Variants in LRRC4C observed in about 807,000 individuals in gnomAD.
LRRC4C encodes leucine-rich repeat-containing protein 4C.
LRRC4C carries 5 observed loss-of-function variants against 33.6 expected under a neutral mutation model. The observed-to-expected ratio is 0.15, with a 90% CI of 0.08 to 0.31. LRRC4C has a LOEUF of 0.31. Ranked by LOEUF, LRRC4C falls within the 10% of genes least tolerant of loss-of-function variation. LRRC4C has a pLI of 1.00. For synonymous variants in LRRC4C, 329 were observed against 302.0 expected (o/e 1.09, Z -0.93); for missense variants, 560 against 796.7 (o/e 0.70, Z 3.58).
At chr11:41,298,089 A>G (rs1179033326) in intron 1 of LRRC4C, among the ~76,000 whole-genome samples, 1 of 152,206 alleles carries the variant, frequency 6.6e-6, no homozygotes, top group Non-Finnish European at 1.5e-5. Context: ...ATGTGGTACT[A>G]GTTATTATTG....
intron 2 of LRRC4C, among the ~76,000 whole-genome samples, chr11:40,742,214 C>T (rs1033584697): frequency 2.2e-4 from 34 of 151,840 alleles, no homozygotes; most frequent in African/African-American, 8.0e-4. Flanking sequence ...GTCTTTGAGG[C>T]ATCATTGAGA....
At position 41,227,469 on chromosome 11, in the gene LRRC4C, A is replaced by G. The variant is rs1947592419; in HGVS notation, c.-496+231962T>C. ...CAAACGGTTGCAACCAACAAAACAC[A>G]CCTGCTCAAAGATTTAACAAATATT... On this transcript the variant is annotated intron_variant, in intron 1 of 6. Coordinates refer to ENST00000528697, the MANE Select transcript of LRRC4C (RefSeq NM_001258419.2). Among the ~76,000 whole-genome samples the G allele has an allele frequency of 3.3e-5, 5 of 152,118 alleles. No individual in the cohort carries two copies. In the South Asian group the frequency reaches 1.0e-3, roughly 32 times the overall value.
rs1009314237 is a variant in LRRC4C at position 41,374,571 on chromosome 11, G to A, written c.-496+84860C>T. Among the ~76,000 whole-genome samples the A allele has an allele frequency of 2.6e-5, 4 of 152,060 alleles. No individual in the cohort carries two copies. The East Asian group carries it at 5.8e-4, about 22-fold the overall frequency. ...TGTTATTAATAAAACAAAAAAGACG[G>A]ACTATTTTAGATTAATAAAATCAGG... On this transcript the variant is annotated intron_variant, in intron 1 of 6. Transcript: ENST00000528697.
chr11:41,173,181 A>G (rs968969469), intron 1 of LRRC4C, among the ~76,000 whole-genome samples: 5 of 152,128 alleles, frequency 3.3e-5, no homozygotes, highest in African/African-American at 1.2e-4. Flanking sequence ...TCCTTATATG[A>G]GATGTGTTGT....
intron 1 of LRRC4C, among the ~76,000 whole-genome samples, chr11:41,033,361 G>T (rs1856836013): frequency 6.6e-6 from 1 of 151,962 alleles, no homozygotes; most frequent in Admixed American, 6.6e-5. Context: ...CAATATAAAA[G>T]AAACGGGTCA....
chr11:40,762,345 A>T (rs1949256386), intron 2 of LRRC4C, among the ~76,000 whole-genome samples: 1 of 152,142 alleles, frequency 6.6e-6, no homozygotes, highest in Admixed American at 6.6e-5. Context: ...TATTTCCATT[A>T]AGGTTTCAGA....
rs77452452 is a variant in LRRC4C at position 40,240,327 on chromosome 11, A to C, written c.-96+1192T>G. Among the ~76,000 whole-genome samples, 686 of 152,304 alleles carry C rather than the reference A, an allele frequency of 4.5e-3. 7 individuals carry two copies. The highest frequency in any genetic ancestry group is 0.015 in the African/African-American group (640 of 41,570). ...AATATCATCATGTATAACTTGTTAC[A>C]TGTCACTTATGTAAATAAATATCTG... On this transcript the variant is annotated intron_variant, in intron 5 of 6. Coordinates refer to ENST00000528697, the MANE Select transcript of LRRC4C (RefSeq NM_001258419.2).
chr11:40,547,414 G>A (rs960822133), intron 3 of LRRC4C, among the ~76,000 whole-genome samples: 3 of 151,994 alleles, frequency 2.0e-5, no homozygotes, highest in Admixed American at 6.6e-5. Flanking sequence ...AGCATGGTAC[G>A]CAAGGGTTAC....
intron 3 of LRRC4C, among the ~76,000 whole-genome samples, chr11:40,454,610 T>A (rs1464884009): frequency 1.3e-5 from 2 of 152,202 alleles, no homozygotes; most frequent in East Asian, 1.9e-4. Flanking sequence ...TGACAGTGTA[T>A]GAATTTTTTT....
intron 3 of LRRC4C, among the ~76,000 whole-genome samples, chr11:40,381,954 G>GTTTTTT (rs34415574): frequency 2.1e-4 from 18 of 85,906 alleles, no homozygotes; most frequent in East Asian, 3.6e-4. Flanking sequence ...ATCAGTCAGC[G>GTTTTTT]TTTTTTTTTT....
intron 1 of LRRC4C, among the ~76,000 whole-genome samples, chr11:41,262,049 C>A (rs1948998592): frequency 1.3e-5 from 2 of 151,904 alleles, no homozygotes; most frequent in Admixed American, 1.3e-4. Flanking sequence ...GGATTCTATT[C>A]TAAAATAAGT....
At chr11:40,367,480 T>C (rs1948261027) in intron 3 of LRRC4C, among the ~76,000 whole-genome samples, 1 of 152,068 alleles carries the variant, frequency 6.6e-6, no homozygotes, top group Admixed American at 6.6e-5. Flanking sequence ...TGTCATCACT[T>C]TTTTCTGTCT....
intron 3 of LRRC4C, among the ~76,000 whole-genome samples, chr11:40,495,855 A>G (rs1422921826): frequency 1.8e-5 from 1 of 55,634 alleles, no homozygotes; most frequent in African/African-American, 6.8e-5. Context: ...TTTTTGAGAG[A>G]GTCTCGCATT....
At chr11:41,021,598 T>C (rs1168268352) in intron 1 of LRRC4C, among the ~76,000 whole-genome samples, 5 of 152,220 alleles carry the variant, frequency 3.3e-5, no homozygotes, top group Middle Eastern at 3.4e-3. Flanking sequence ...ATTTTAGATA[T>C]TCTATCTCAA....
rs1947963672 is a variant in LRRC4C, at chr11:40,361,784, A to G, written c.-269-42063T>C. Among the ~76,000 whole-genome samples the G allele has an allele frequency of 2.6e-5, 4 of 152,232 alleles. No homozygotes were observed. In the South Asian group the frequency reaches 8.3e-4, roughly 31 times the overall value. Reference sequence around the variant, plus strand: ...CTATTTTTAAATTCAGATGAACCCAAAAAAGTGCCCAAATAGTCAAGACAA... The same window carrying G: ...CTATTTTTAAATTCAGATGAACCCAGAAAAGTGCCCAAATAGTCAAGACAA... On this transcript the variant is annotated intron_variant, in intron 3 of 6. Coordinates refer to ENST00000528697, the MANE Select transcript of LRRC4C (RefSeq NM_001258419.2).
intron 3 of LRRC4C, among the ~76,000 whole-genome samples, chr11:40,466,324 A>G (rs1234958093): frequency 6.6e-6 from 1 of 151,992 alleles, no homozygotes; most frequent in Non-Finnish European, 1.5e-5. Context: ...AATGTACACT[A>G]TTCAGGTGAT....
intron 3 of LRRC4C, among the ~76,000 whole-genome samples, chr11:40,448,922 C>G (rs1463798851): frequency 2.6e-5 from 4 of 152,190 alleles, no homozygotes; most frequent in African/African-American, 9.7e-5. Flanking sequence ...TGTTTCCTGA[C>G]ATTTTAATGA....
rs908638403 is a variant in LRRC4C, at chr11:40,627,072, CTGTT to C, written c.-270+21066_-270+21069del. On this transcript the variant is annotated intron_variant, in intron 3 of 6. Coordinates refer to ENST00000528697, the MANE Select transcript of LRRC4C (RefSeq NM_001258419.2). Reference sequence around the variant, plus strand: ...CCTTTTTTAAAAGCTGTCAGCTATACTGTTTTTTTTTTTTTTTTTTTGGTTGGTG... The same window carrying C: ...CCTTTTTTAAAAGCTGTCAGCTATACTTTTTTTTTTTTTTTTTGGTTGGTG... 1.2e-3 allele frequency among the ~76,000 whole-genome samples: 129 copies of C among 106,430 alleles called. 2 individuals carry two copies. The East Asian group carries it at 0.03, about 25-fold the overall frequency. The allele number at this position is 106,430 out of a possible 152,430, so 69.8% of individuals were successfully genotyped here.
intron 3 of LRRC4C, among the ~76,000 whole-genome samples, chr11:40,345,050 T>C (rs1031251377): frequency 3.9e-5 from 6 of 152,038 alleles, no homozygotes; most frequent in Admixed American, 6.5e-5. Context: ...GGAAGAAGAA[T>C]CAATATTGTC....
Sources: gnomAD v4.1 joint callset for allele counts (sites outside exome capture counted in the v4.1 genomes callset) on GRCh38, gnomAD v4.1.1 for gene constraint, MANE v1.5 for transcripts, NCBI Gene and HGNC (gene_info 2026-07-23, HGNC 2026-07-21) for gene names.